Variants in NQO2 observed in about 807,000 individuals in gnomAD.
The protein encoded by NQO2 is ribosyldihydronicotinamide dehydrogenase [quinone].
NQO2 carries 18 observed loss-of-function variants against 22.0 expected under a neutral mutation model. The ratio of observed to expected loss-of-function variants is 0.82; its 90% confidence interval spans 0.56 to 1.21. The LOEUF is 1.21. NQO2 is among the 50% of genes most tolerant of loss of function. The probability of loss-of-function intolerance (pLI) is 0.00; values close to 1 mark genes in which losing one functional copy is unlikely to be tolerated. For missense variants in NQO2, 267 were observed against 286.9 expected (o/e 0.93, Z 0.50); for synonymous variants, 106 against 110.8 (o/e 0.96, Z 0.28).
At chr6:3,015,068 C>G (rs916767341) in intron 4 of NQO2, 5 of 1,287,380 alleles carry the variant, frequency 3.9e-6, no homozygotes, top group African/African-American at 1.5e-5. Flanking sequence ...TAGCGCTGGT[C>G]TAAGGAATAC....
intron 1 of NQO2, chr6:3,005,523 G>A (rs778698109): frequency 2.8e-5 from 10 of 356,168 alleles, no homozygotes; most frequent in Non-Finnish European, 3.9e-5. Context: ...ATGGCTTACT[G>A]ACCATTCATA....
intron 3 of NQO2, among the ~76,000 whole-genome samples, chr6:3,011,177 A>G (rs897987919): frequency 7.9e-5 from 12 of 152,238 alleles, no homozygotes; most frequent in African/African-American, 2.9e-4. Context: ...AATTCAGAAT[A>G]GCACTTTTAA....
At chr6:3,016,422 C>A (rs1757329020) in intron 5 of NQO2, among the ~76,000 whole-genome samples, 1 of 103,826 alleles carries the variant, frequency 9.6e-6, no homozygotes. Context: ...CAAAGCGAGA[C>A]TCTGTCTCAA....
chr6:3,014,302 T>C (rs1039967090), intron 4 of NQO2, among the ~76,000 whole-genome samples: 11 of 152,200 alleles, frequency 7.2e-5, no homozygotes, highest in African/African-American at 2.7e-4. Context: ...CTGACCAAAG[T>C]GCAGGACGTC....
At chr6:3,018,807 C>T (rs1487888351) in intron 6 of NQO2, among the ~76,000 whole-genome samples, 1 of 149,018 alleles carries the variant, frequency 6.7e-6, no homozygotes, top group Non-Finnish European at 1.5e-5. Context: ...TAGCCAAGTT[C>T]AAATTCTTCT....
chr6:3,015,439 G>C, intron 4 of NQO2, 91 bp from the exon 5 acceptor site: 1 of 1,513,574 alleles, frequency 6.6e-7, no homozygotes, highest in Non-Finnish European at 8.8e-7. Context: ...GAGGAGGGCT[G>C]TGGGCTTCAT....
Position 3,019,706 on chromosome 6 carries a change from C to A in NQO2, c.*51C>A. The A allele has an allele frequency of 6.9e-7, 1 of 1,452,296 alleles. No homozygotes were observed. Among genetic ancestry groups the A allele is most frequent in the South Asian group, 1.3e-5 (1 of 74,902 alleles). The allele number at this position is 1,452,296 out of a possible 1,614,324, so 90.0% of individuals were successfully genotyped here. On this transcript the variant is annotated 3_prime_UTR_variant, in exon 7 of 7. Transcript: ENST00000380455. ...AGCAGCACACTAGGAGGCCCAGGCG[C>A]AGGCAAAGAGAAGATGGTGCTGTCA... is the stretch of plus-strand genomic sequence containing the variant.
In NQO2 at chr6:3,010,102, G is replaced by T. The variant is rs1401577337; in HGVS notation, c.85G>T (p.Glu29Ter). 2 of 1,613,964 alleles carry T rather than the reference G, an allele frequency of 1.2e-6. No individual in the cohort carries two copies. Among genetic ancestry groups the T allele is most frequent in the Non-Finnish European group, 1.7e-6 (2 of 1,179,990 alleles). ...ATCCTTGAAGAATGTGGCTGTAGAT[G>T]AACTGAGCAGGCAGGGCTGCACCGT... ...NGSLKNVAVD[E>*]LSRQGCTVTV... The change falls in exon 3 of 7, where the codon GAA becomes TAA. Residue 29 changes from glutamate (E) to a stop codon, truncating the protein, a stop_gained. Coordinates refer to ENST00000380455, the MANE Select transcript of NQO2 (RefSeq NM_000904.6). LOFTEE classifies it high-confidence loss of function.
At chr6:3,002,167 C>T (rs1381811057) in intron 1 of NQO2, 1 of 982,330 alleles carries the variant, frequency 1.0e-6, no homozygotes, top group African/African-American at 1.8e-5. Context: ...GAATGGATGC[C>T]CTGTCTAGAG....
intron 2 of NQO2, among the ~76,000 whole-genome samples, chr6:3,008,940 C>T (rs1052684149): frequency 1.4e-4 from 22 of 151,968 alleles, no homozygotes; most frequent in Non-Finnish European, 1.0e-4. Context: ...GGAGGCAGGG[C>T]GAGATCACAG....
intron 2 of NQO2, among the ~76,000 whole-genome samples, chr6:3,007,521 T>C (rs1756993662): frequency 6.6e-6 from 1 of 152,236 alleles, no homozygotes; most frequent in Non-Finnish European, 1.5e-5. Context: ...TAAAGTGTCA[T>C]TATGAAAAAT....
At chr6:3,019,421 G>A (rs1464814045) in intron 6 of NQO2, 58 bp from the exon 7 acceptor site, 109 of 1,520,216 alleles carry the variant, frequency 7.2e-5, no homozygotes, top group Middle Eastern at 3.5e-4. Flanking sequence ...TCATTTAACT[G>A]AATGGTATGT....
intron 1 of NQO2, chr6:3,004,766 T>A: frequency 5.2e-6 from 2 of 382,562 alleles, no homozygotes; most frequent in Non-Finnish European, 7.2e-6. Flanking sequence ...GTCTTCACAC[T>A]AAGCCCTAGT....
rs1231043924 is a variant in NQO2 at position 3,006,476 on chromosome 6, A to G, written c.-77A>G. The G allele has an allele frequency of 5.0e-6, 8 of 1,608,996 alleles. No individual in the cohort carries two copies. The South Asian group carries it at 5.6e-5, about 11-fold the overall frequency. ...TTCGTTTTGTCTTCCAGATTGCTGG[A>G]CTCGCTGAAGAGAGACTACGCAGGA... On this transcript the variant is annotated 5_prime_UTR_variant, in exon 2 of 7. Coordinates refer to ENST00000380455, the MANE Select transcript of NQO2 (RefSeq NM_000904.6). This position sits in a 1 kb window ranked among gnomAD's most constrained non-coding sequence, Gnocchi z 4.0.
intron 1 of NQO2, chr6:3,002,321 T>C (rs2113427367): frequency 1.2e-6 from 1 of 836,686 alleles, no homozygotes; most frequent in East Asian, 1.2e-4. Flanking sequence ...TTTCTTTTTC[T>C]TTTTTGAGAC....
chr6:3,008,044 A>T (rs1486801032), intron 2 of NQO2, among the ~76,000 whole-genome samples: 1 of 152,228 alleles, frequency 6.6e-6, no homozygotes, highest in Admixed American at 6.5e-5. Context: ...AATTTGACCC[A>T]TTGTATTGTG....
rs1231486600 is a variant in NQO2, at chr6:3,012,593, A to C, written c.222A>C (p.Glu74Asp). 1.2e-6 allele frequency: 2 copies of C among 1,614,090 alleles called. No homozygotes were observed. The highest frequency in any genetic ancestry group is 2.7e-5 in the African/African-American group (2 of 74,922). ...TCAATTATGGAGTGGAAACCCACGAAGCCTACAAGCAAAGGTCTCTGGCTA... is the reference window on the plus strand; with the variant it reads ...TCAATTATGGAGTGGAAACCCACGACGCCTACAAGCAAAGGTCTCTGGCTA... ...EVFNYGVETH[E>D]AYKQRSLASD... Residue 74 changes from glutamate (E) to aspartate (D), a missense_variant, in exon 4 of 7, where the codon GAA (glutamate) becomes GAC (aspartate). Transcript: ENST00000380455.
At chr6:3,014,938 T>C (rs552415485) in intron 4 of NQO2, among the ~76,000 whole-genome samples, 2 of 152,334 alleles carry the variant, frequency 1.3e-5, no homozygotes, top group South Asian at 4.1e-4. Context: ...TTGTTTTATA[T>C]GGAAAGCACA....
At chr6:3,015,004 C>T (rs996057695) in intron 4 of NQO2, 4 of 939,748 alleles carry the variant, frequency 4.3e-6, no homozygotes, top group South Asian at 1.4e-5. Context: ...TATTTCCCTT[C>T]CCAGGCGGTA....
Sources: gnomAD v4.1 joint callset for allele counts (sites outside exome capture counted in the v4.1 genomes callset) on GRCh38, gnomAD v4.1.1 for gene constraint, Gnocchi (gnomAD v3.1) non-coding constraint, MANE v1.5 for transcripts, NCBI Gene and HGNC (gene_info 2026-07-23, HGNC 2026-07-21) for gene names.